The following SLC7A6 variants were observed in gnomAD, a reference collection of about 807,000 sequenced individuals.
SLC7A6 encodes Y+L amino acid transporter 2.
SLC7A6 carries 29 observed loss-of-function variants against 46.6 expected under a neutral mutation model. That is an observed-to-expected ratio of 0.62 (90% confidence interval 0.46 to 0.85). SLC7A6 has a LOEUF of 0.85. Among genes scored for constraint, SLC7A6 ranks in the 40% least tolerant of loss-of-function variants. The pLI is 0.00. For synonymous variants in SLC7A6, 276 were observed against 257.3 expected, an observed-to-expected ratio of 1.07 and a Z score of -0.70; for missense variants, 527 against 647.6, an observed-to-expected ratio of 0.81 and a Z score of 2.02.
chr16:68,297,129 G>C (rs2043187680), intron 10 of SLC7A6, 105 bp from the exon 11 acceptor site: 9 of 1,032,648 alleles, frequency 8.7e-6, no homozygotes, highest in African/African-American at 1.6e-5. Context: ...GGGTACTTAA[G>C]GGGCAGGTGG....
rs2043051522 is a variant in SLC7A6, at chr16:68,291,630, G to C, written c.991G>C (p.Gly331Arg). ...TGCTGTTGCCCTGTCCTGCTTTGGGGGCCTCAATGCATCCATCTTTGCTTC... is the reference window on the plus strand; with the variant it reads ...TGCTGTTGCCCTGTCCTGCTTTGGGCGCCTCAATGCATCCATCTTTGCTTC... ...PIAVALSCFG[G>R]LNASIFASSR... The change falls in exon 7 of 11, where the codon GGC becomes CGC. Residue 331 changes from glycine to arginine, a missense_variant. Physicochemically the swap from Gly to Arg is moderately radical, Grantham distance 125 (BLOSUM62 -2). Coordinates refer to ENST00000219343, the MANE Select transcript of SLC7A6 (RefSeq NM_003983.6). 1 of 1,613,950 alleles carries C rather than the reference G, an allele frequency of 6.2e-7. No homozygotes were observed. The highest frequency in any genetic ancestry group is 1.7e-5 in the Admixed American group (1 of 59,988).
intron 4 of SLC7A6, chr16:68,290,184 T>C: frequency 1.8e-6 from 1 of 550,038 alleles, no homozygotes; most frequent in South Asian, 2.6e-5. Context: ...CTAGTGGTTG[T>C]TGATCTTTTG....
chr16:68,275,136 C>T lies in SLC7A6; in HGVS notation c.410C>T (p.Pro137Leu). The stretch of plus-strand genomic sequence containing the variant: ...TGGGTCTCACTGCTAGTTGTTGAGC[C>T]CACCGGTCAGGCCATCATCGCCATC... ...RLWVSLLVVE[P>L]TGQAIIAITF... The change falls in exon 3 of 11, where the codon CCC becomes CTC. Residue 137 changes from proline to leucine, a missense_variant. Transcript: ENST00000219343. 3.1e-6 allele frequency: 5 copies of T among 1,614,110 alleles called. No homozygotes were observed. The highest frequency in any genetic ancestry group is 4.2e-6 in the Non-Finnish European group (5 of 1,180,036).
rs1003798578 is a variant in SLC7A6 at position 68,285,235 on chromosome 16, G to A, written c.524-2511G>A. Among the ~76,000 whole-genome samples, 21 of 152,246 alleles carry A rather than the reference G, an allele frequency of 1.4e-4. No homozygotes were observed. In the South Asian group the frequency reaches 1.5e-3, roughly 11 times the overall value. ...TTGGTATTCCAACTCTGTGTTTCTGGGAGAGGCAATGTAACAGGCTCAACT... is the reference window on the plus strand; with the variant it reads ...TTGGTATTCCAACTCTGTGTTTCTGAGAGAGGCAATGTAACAGGCTCAACT... On this transcript the variant is annotated intron_variant, in intron 3 of 10. Transcript: ENST00000219343.
At chr16:68,291,145 T>C in intron 5 of SLC7A6, 64 bp from the exon 6 acceptor site, 2 of 1,607,902 alleles carry the variant, frequency 1.2e-6, no homozygotes, top group Non-Finnish European at 1.7e-6. Flanking sequence ...CAGTGGAGAC[T>C]TGATAAACTT....
intron 6 of SLC7A6, 106 bp from the exon 7 acceptor site, chr16:68,291,452 A>C: frequency 6.3e-7 from 1 of 1,577,024 alleles, no homozygotes; most frequent in Non-Finnish European, 8.7e-7. Flanking sequence ...AGTCTAGGCC[A>C]GAGGGTGGGC....
chr16:68,284,913 T>C (rs898506089), intron 3 of SLC7A6, among the ~76,000 whole-genome samples: 2 of 133,514 alleles, frequency 1.5e-5, no homozygotes, highest in Middle Eastern at 3.7e-3. Context: ...CTGGCTGGAG[T>C]GCAGTGACTA....
In SLC7A6 at chr16:68,274,904, G is replaced by A. The variant is rs1028780732; in HGVS notation, c.178G>A (p.Gly60Ser). ...CAGCCTGGTGGTGGGCAACATGATC[G>A]GCTCAGGGATCTTTGTCTCACCCAA... ...GVSLVVGNMI[G>S]SGIFVSPKGV... Residue 60 changes from glycine to serine, a missense_variant, in exon 3 of 11, where the codon GGC becomes AGC. Physicochemically the swap from Gly to Ser is moderately conservative, Grantham distance 56. Transcript: ENST00000219343. The A allele has an allele frequency of 2.5e-6, 4 of 1,614,168 alleles. No individual in the cohort carries two copies. The highest frequency in any genetic ancestry group is 1.3e-5 in the African/African-American group (1 of 75,026).
At chr16:68,284,683 C>CT in intron 3 of SLC7A6, 1 of 984,088 alleles carries the variant, frequency 1.0e-6, no homozygotes, top group Non-Finnish European at 1.2e-6. Context: ...ATCAGCTTCT[C>CT]TTCCCCTTGG....
chr16:68,285,872 G>T (rs1263670383), intron 3 of SLC7A6, among the ~76,000 whole-genome samples: 1 of 151,910 alleles, frequency 6.6e-6, no homozygotes, highest in Non-Finnish European at 1.5e-5. Flanking sequence ...CAGGAGGATT[G>T]CTTGAGCCCA....
chr16:68,284,831 C>CCTCT (rs970190524), intron 3 of SLC7A6: 1 of 152,114 alleles, frequency 6.6e-6, no homozygotes, highest in Non-Finnish European at 1.4e-5. Context: ...ATCTCTCACC[C>CCTCT]CTCTGTCTCT....
chr16:68,282,702 C>A (rs1007153262), intron 3 of SLC7A6, among the ~76,000 whole-genome samples: 2 of 152,118 alleles, frequency 1.3e-5, no homozygotes, highest in Non-Finnish European at 2.9e-5. Flanking sequence ...ATTGCAACCT[C>A]TGCCTCCCGG....
In SLC7A6 at chr16:68,293,920, G is replaced by A. The variant is rs538115173; in HGVS notation, c.1023-785G>A. 3.3e-5 allele frequency among the ~76,000 whole-genome samples: 5 copies of A among 152,106 alleles called. No individual in the cohort carries two copies. In the East Asian group the frequency reaches 9.7e-4, roughly 29 times the overall value. On this transcript the variant is annotated intron_variant, in intron 7 of 10. Coordinates refer to ENST00000219343, the MANE Select transcript of SLC7A6 (RefSeq NM_003983.6). ...GTCTTTTTTTGTTTGTTTTTGAGATGGAGTTTTACTCTTGTTGCCCAGGCT... is the reference window on the plus strand; with the variant it reads ...GTCTTTTTTTGTTTGTTTTTGAGATAGAGTTTTACTCTTGTTGCCCAGGCT...
chr16:68,300,903 C>A lies in SLC7A6; in HGVS notation c.*3575C>A. On this transcript the variant is annotated 3_prime_UTR_variant, in exon 11 of 11. Transcript: ENST00000219343. The stretch of plus-strand genomic sequence containing the variant: ...CAGGCAGCCTGGTGGTATGGCACAG[C>A]AGAAGCTTACTGCTAATGAAATGGG... 3.0e-6 allele frequency: 3 copies of A among 995,498 alleles called. No homozygotes were observed. Among genetic ancestry groups the A allele is most frequent in the Non-Finnish European group, 3.6e-6 (3 of 836,432 alleles). The allele number at this position is 995,498 out of a possible 1,614,324, so 61.7% of individuals were successfully genotyped here. A position where few individuals can be genotyped will look rare whatever the true frequency, so the allele number is the denominator to read the frequency against.
At position 68,287,887 on chromosome 16, in the gene SLC7A6, G is replaced by T. The variant is rs771484341; in HGVS notation, c.649+16G>T. On this transcript the variant is annotated intron_variant, in intron 4 of 10. Transcript: ENST00000219343. Reference sequence around the variant, plus strand: ...CTGTGCCAGGGTAAGTGGTGGGAAGGGGGGTACCACCAACAGTTCCTCTGG... The same window carrying T: ...CTGTGCCAGGGTAAGTGGTGGGAAGTGGGGTACCACCAACAGTTCCTCTGG... 1.4e-5 allele frequency: 23 copies of T among 1,611,856 alleles called. No homozygotes were observed. The highest frequency in any genetic ancestry group is 7.7e-5 in the South Asian group (7 of 90,872).
At chr16:68,290,663 C>T (rs2043031171) in intron 5 of SLC7A6, 123 bp downstream of exon 5, 2 of 1,192,104 alleles carry the variant, frequency 1.7e-6, no homozygotes, top group Admixed American at 1.9e-5. Flanking sequence ...CCTACTCCCC[C>T]TTCTCCAGCT....
rs1444959678 is a variant in SLC7A6 at position 68,296,723 on chromosome 16, G to A, written c.1366G>A (p.Gly456Arg). 7 of 1,614,036 alleles carry A rather than the reference G, an allele frequency of 4.3e-6. No homozygotes were observed. Among genetic ancestry groups the A allele is most frequent in the Admixed American group, 1.7e-5 (1 of 60,002 alleles). ...TDTINSLIGI[G>R]IALSGVPFYF... is the part of the protein sequence containing the mutation. ...CACCATTAATTCCCTCATTGGCATC[G>A]GGATTGCCCTTTCTGGAGTCCCTTT... is the stretch of plus-strand genomic sequence containing the variant. Residue 456 changes from glycine (G) to arginine (R), a missense_variant, in exon 10 of 11, where the codon GGG becomes AGG. Physicochemically the swap from Gly to Arg is moderately radical, Grantham distance 125 (BLOSUM62 -2). Coordinates refer to ENST00000219343, the MANE Select transcript of SLC7A6 (RefSeq NM_003983.6).
At chr16:68,290,320 A>T in intron 4 of SLC7A6, 76 bp from the exon 5 acceptor site, 2 of 1,466,414 alleles carry the variant, frequency 1.4e-6, no homozygotes, top group African/African-American at 1.5e-5. Context: ...TTTCTCTTAC[A>T]CCTCCCATCT....
chr16:68,284,943 T>C (rs2042900641), intron 3 of SLC7A6, among the ~76,000 whole-genome samples: 1 of 145,788 alleles, frequency 6.9e-6, no homozygotes, highest in Admixed American at 7.0e-5. Context: ...GCTATTACAG[T>C]GCACTATAGG....
Sources: allele counts gnomAD v4.1 joint callset (sites outside exome capture counted in the v4.1 genomes callset), GRCh38; gene constraint gnomAD v4.1.1; transcripts MANE v1.5; gene names NCBI Gene and HGNC (gene_info 2026-07-23, HGNC 2026-07-21).